Variants in KCNIP4 observed in about 807,000 individuals in gnomAD.
The protein encoded by KCNIP4 is Kv channel-interacting protein 4.
Under a neutral mutation model 34.0 loss-of-function variants are expected in KCNIP4, and 12 were observed. That is an observed-to-expected ratio of 0.35 (90% CI 0.23 to 0.57). KCNIP4 has a LOEUF of 0.57. Among genes scored for constraint, KCNIP4 ranks in the 20% least tolerant of loss-of-function variants. The pLI, the probability that KCNIP4 is intolerant of heterozygous loss-of-function variation, is 0.83. For missense variants in KCNIP4, 238 were observed against 311.7 expected, an observed-to-expected ratio of 0.76 and a Z score of 1.78; for synonymous variants, 124 against 102.2, an observed-to-expected ratio of 1.21 and a Z score of -1.29.
chr4:21,470,092 A>G (rs1207776032), intron 1 of KCNIP4, among the ~76,000 whole-genome samples: 2 of 152,190 alleles, frequency 1.3e-5, no homozygotes, highest in Non-Finnish European at 2.9e-5. Context: ...TCAGAAAGTG[A>G]TGTATGTTGC....
At chr4:21,352,323 G>A (rs908683508) in intron 1 of KCNIP4, among the ~76,000 whole-genome samples, 1 of 152,158 alleles carries the variant, frequency 6.6e-6, no homozygotes, top group Non-Finnish European at 1.5e-5. Context: ...AGGGTGGGAC[G>A]TCGCCTCACC....
At chr4:21,051,454 A>G (rs962989243) in intron 1 of KCNIP4, among the ~76,000 whole-genome samples, 1 of 152,218 alleles carries the variant, frequency 6.6e-6, no homozygotes, top group African/African-American at 2.4e-5. Flanking sequence ...CCTTAATTAC[A>G]TGTTTTACTT....
intron 1 of KCNIP4, among the ~76,000 whole-genome samples, chr4:21,073,345 T>G (rs1161063278): frequency 6.6e-6 from 1 of 152,232 alleles, no homozygotes; most frequent in Non-Finnish European, 1.5e-5. Context: ...TAGTTCTCCT[T>G]GAAGAGGTCC....
intron 2 of KCNIP4, among the ~76,000 whole-genome samples, chr4:20,876,910 T>C (rs937959931): frequency 3.3e-5 from 5 of 152,204 alleles, no homozygotes; most frequent in African/African-American, 1.2e-4. Context: ...ACTCTAAGTC[T>C]GACTGACTCT....
At chr4:21,179,647 T>C (rs908476026) in intron 1 of KCNIP4, among the ~76,000 whole-genome samples, 1 of 152,218 alleles carries the variant, frequency 6.6e-6, no homozygotes, top group Non-Finnish European at 1.5e-5. Flanking sequence ...CATGTGGGTG[T>C]TATGCATTGA....
chr4:21,760,838 G>A (rs1389908071), intron 1 of KCNIP4, among the ~76,000 whole-genome samples: 1 of 152,072 alleles, frequency 6.6e-6, no homozygotes, highest in Non-Finnish European at 1.5e-5. Flanking sequence ...CACTCCCAAT[G>A]CATTCTATAG....
At chr4:20,805,011 G>C (rs1368249194) in intron 3 of KCNIP4, among the ~76,000 whole-genome samples, 2 of 152,042 alleles carry the variant, frequency 1.3e-5, no homozygotes, top group Non-Finnish European at 2.9e-5. Context: ...TCCCAAGAAG[G>C]GTTCTGATTG....
At chr4:21,827,469 T>C (rs1056210012) in intron 1 of KCNIP4, among the ~76,000 whole-genome samples, 3 of 151,994 alleles carry the variant, frequency 2.0e-5, no homozygotes, top group African/African-American at 4.8e-5. Flanking sequence ...TGTACTGATC[T>C]GTTGAAACAA....
intron 1 of KCNIP4, among the ~76,000 whole-genome samples, chr4:21,142,417 A>T (rs1049715354): frequency 6.6e-6 from 1 of 152,174 alleles, no homozygotes; most frequent in Admixed American, 6.5e-5. Context: ...ACATCTACAC[A>T]TCCCAGAACT....
chr4:20,819,460 TA>T (rs1252599256), intron 3 of KCNIP4, among the ~76,000 whole-genome samples: 1 of 152,108 alleles, frequency 6.6e-6, no homozygotes, highest in East Asian at 1.9e-4. Flanking sequence ...TCTGGTAGGC[TA>T]GGGGTGGGCA....
At chr4:21,197,458 C>A (rs1157952388) in intron 1 of KCNIP4, among the ~76,000 whole-genome samples, 2 of 152,072 alleles carry the variant, frequency 1.3e-5, no homozygotes, top group Admixed American at 6.5e-5. Flanking sequence ...ACGTCACAAC[C>A]ATTTGGGATA....
At chr4:21,214,286 A>G (rs151333339) in intron 1 of KCNIP4, among the ~76,000 whole-genome samples, 8 of 152,300 alleles carry the variant, frequency 5.3e-5, no homozygotes, top group South Asian at 4.1e-4. Context: ...CTCAGATGAC[A>G]TCTCCTTCAG....
intron 1 of KCNIP4, among the ~76,000 whole-genome samples, chr4:21,713,194 G>A (rs780636803): frequency 2.0e-5 from 3 of 152,178 alleles, no homozygotes; most frequent in Non-Finnish European, 4.4e-5. Flanking sequence ...GTGGGAAAAT[G>A]TATATTAAAC....
intron 1 of KCNIP4, among the ~76,000 whole-genome samples, chr4:21,753,331 G>C (rs968297912): frequency 6.6e-6 from 1 of 151,860 alleles, no homozygotes; most frequent in African/African-American, 2.4e-5. Context: ...GGTGCACTAA[G>C]TGCTGGCTAT....
At chr4:21,670,960 A>C (rs1749453930) in intron 1 of KCNIP4, among the ~76,000 whole-genome samples, 1 of 146,162 alleles carries the variant, frequency 6.8e-6, no homozygotes, top group Non-Finnish European at 1.5e-5. Context: ...CGGGCTGAGT[A>C]AACTTTTTTT....
chr4:21,035,697 T>C (rs1160171652), intron 1 of KCNIP4, among the ~76,000 whole-genome samples: 1 of 152,200 alleles, frequency 6.6e-6, no homozygotes, highest in Non-Finnish European at 1.5e-5. Flanking sequence ...TAATGTACGA[T>C]TGTAGTGGGT....
chr4:21,892,257 G>A (rs1269519943), intron 1 of KCNIP4, among the ~76,000 whole-genome samples: 1 of 151,832 alleles, frequency 6.6e-6, no homozygotes, highest in African/African-American at 2.4e-5. Flanking sequence ...GATGTCAGAT[G>A]TCATGATCAA....
At position 21,337,985 on chromosome 4, in the gene KCNIP4, C is replaced by T. The variant is rs535586683; in HGVS notation, c.62-455276G>A. The stretch of plus-strand genomic sequence containing the variant: ...CTGCTGAAGACCGGCTCTATGGTAT[C>T]GCTAGTGACCCATGCTCCTTCCACT... On this transcript the variant is annotated intron_variant, in intron 1 of 8. Coordinates refer to ENST00000382152, the MANE Select transcript of KCNIP4 (RefSeq NM_025221.6). 2.5e-3 allele frequency among the ~76,000 whole-genome samples: 384 copies of T among 152,190 alleles called. 1 individual carries two copies. The highest frequency in any genetic ancestry group is 8.9e-3 in the African/African-American group (369 of 41,518).
At chr4:21,136,369 GA>G (rs1320594668) in intron 1 of KCNIP4, among the ~76,000 whole-genome samples, 2 of 152,288 alleles carry the variant, frequency 1.3e-5, no homozygotes, top group East Asian at 3.9e-4. Flanking sequence ...AATGGAAGCA[GA>G]AAAGTACACA....
Sources: allele counts gnomAD v4.1 joint callset (sites outside exome capture counted in the v4.1 genomes callset), GRCh38; gene constraint gnomAD v4.1.1; transcripts MANE v1.5; gene names NCBI Gene and HGNC (gene_info 2026-07-23, HGNC 2026-07-21).